The following COP1 variants were observed in gnomAD, a reference collection of about 807,000 sequenced individuals.
COP1 encodes COP1 E3 ubiquitin ligase.
In COP1, 24 loss-of-function variants were observed where a neutral mutation model predicts 101.3. The observed-to-expected ratio is 0.24, with a 90% CI of 0.17 to 0.33. The LOEUF is 0.33. Ranked by LOEUF, COP1 falls within the 10% of genes least tolerant of loss-of-function variation. The probability of loss-of-function intolerance (pLI) is 1.00; values close to 1 mark genes in which losing one functional copy is unlikely to be tolerated. For synonymous variants in COP1, 347 were observed against 341.9 expected (o/e 1.01, Z -0.17); for missense variants, 663 against 906.2 (o/e 0.73, Z 3.45).
intron 9 of COP1, among the ~76,000 whole-genome samples, chr1:176,108,972 C>T (rs915406621): frequency 3.9e-5 from 6 of 151,978 alleles, no homozygotes; most frequent in Non-Finnish European, 7.4e-5. Context: ...ATTAGCTGGG[C>T]GCGGTGGTGC....
At chr1:176,139,301 C>A (rs2481661) in intron 6 of COP1, among the ~76,000 whole-genome samples, 8,334 of 135,248 alleles carry the variant, frequency 0.062, 622 homozygotes, top group African/African-American at 0.19. Context: ...AAAAAAAAAA[C>A]AAAAAAAGAG....
chr1:175,965,963 G>A (rs910406963), intron 18 of COP1, among the ~76,000 whole-genome samples: 2 of 151,980 alleles, frequency 1.3e-5, no homozygotes, highest in Non-Finnish European at 2.9e-5. Context: ...ATAAATCTAC[G>A]CTGCATTTTG....
chr1:176,107,005 A>C (rs1490545249), intron 9 of COP1, among the ~76,000 whole-genome samples: 2 of 152,142 alleles, frequency 1.3e-5, no homozygotes, highest in Non-Finnish European at 2.9e-5. Flanking sequence ...GTGGAAGGAC[A>C]AAGAATATTG....
At chr1:176,007,772 C>T (rs1227451724) in intron 15 of COP1, among the ~76,000 whole-genome samples, 1 of 151,418 alleles carries the variant, frequency 6.6e-6, no homozygotes, top group Non-Finnish European at 1.5e-5. Flanking sequence ...ACATTTAAGT[C>T]TGCAGAGGTT....
At chr1:176,190,170 G>T (rs1245885005) in intron 1 of COP1, among the ~76,000 whole-genome samples, 1 of 151,940 alleles carries the variant, frequency 6.6e-6, no homozygotes, top group Admixed American at 6.6e-5. Context: ...TTTCAGATTC[G>T]GATCTGTCTG....
At chr1:176,126,174 T>C (rs1408825598) in intron 8 of COP1, among the ~76,000 whole-genome samples, 1 of 152,180 alleles carries the variant, frequency 6.6e-6, no homozygotes, top group Non-Finnish European at 1.5e-5. Context: ...ACAGGGATAA[T>C]TTGACTTCTT....
At chr1:176,016,199 T>C (rs1665601416) in intron 15 of COP1, among the ~76,000 whole-genome samples, 1 of 152,106 alleles carries the variant, frequency 6.6e-6, no homozygotes, top group Non-Finnish European at 1.5e-5. Flanking sequence ...GAGTCTGCTA[T>C]TTAAACACAA....
intron 6 of COP1, among the ~76,000 whole-genome samples, chr1:176,144,525 A>T (rs2149796250): frequency 6.6e-6 from 1 of 152,286 alleles, no homozygotes; most frequent in South Asian, 2.1e-4. Context: ...AGTCAAATTA[A>T]TCCCAATAAA....
intron 18 of COP1, among the ~76,000 whole-genome samples, chr1:175,981,013 T>C (rs1655714144): frequency 6.6e-6 from 1 of 152,120 alleles, no homozygotes; most frequent in Non-Finnish European, 1.5e-5. Flanking sequence ...ATAAGAGTCA[T>C]ATCACAGATC....
chr1:176,046,696 C>T (rs1479626243), intron 11 of COP1, among the ~76,000 whole-genome samples: 1 of 151,982 alleles, frequency 6.6e-6, no homozygotes, highest in Admixed American at 6.5e-5. Context: ...TTTTTCCATA[C>T]ATTCTACTTA....
intron 11 of COP1, among the ~76,000 whole-genome samples, chr1:176,065,704 A>ATTTT (rs1203707183): frequency 8.7e-6 from 1 of 114,472 alleles, no homozygotes; most frequent in African/African-American, 3.2e-5. Flanking sequence ...GGGGATAATG[A>ATTTT]TTTTTTTTTT....
intron 15 of COP1, among the ~76,000 whole-genome samples, chr1:175,995,562 GA>G (rs1421439469): frequency 6.6e-6 from 1 of 152,070 alleles, no homozygotes; most frequent in African/African-American, 2.4e-5. Flanking sequence ...TGATAAACGG[GA>G]TATCACCACC....
intron 2 of COP1, among the ~76,000 whole-genome samples, chr1:176,178,849 G>A (rs899094816): frequency 5.2e-4 from 78 of 150,174 alleles, no homozygotes; most frequent in Middle Eastern, 3.6e-3. Context: ...GCAAAACTCC[G>A]TCCCCACCCC....
intron 11 of COP1, among the ~76,000 whole-genome samples, chr1:176,067,745 G>A (rs1341701987): frequency 6.6e-6 from 1 of 152,192 alleles, no homozygotes; most frequent in East Asian, 1.9e-4. Flanking sequence ...CTGACCTTGT[G>A]ATAAGGCAGA....
chr1:176,049,627 A>G (rs1323670872), intron 11 of COP1, among the ~76,000 whole-genome samples: 1 of 152,104 alleles, frequency 6.6e-6, no homozygotes, highest in Non-Finnish European at 1.5e-5. Flanking sequence ...ACTAAGACTC[A>G]GGATTTAAGG....
At chr1:176,170,296 A>G (rs978585372) in intron 3 of COP1, among the ~76,000 whole-genome samples, 3 of 152,176 alleles carry the variant, frequency 2.0e-5, no homozygotes, top group African/African-American at 7.2e-5. Flanking sequence ...TCCTTTCCAA[A>G]AGGTTTTCCA....
intron 8 of COP1, 84 bp downstream of exon 8, chr1:176,134,926 G>A: frequency 1.0e-6 from 1 of 954,630 alleles, no homozygotes; most frequent in Non-Finnish European, 1.7e-6. Context: ...TTCATACACT[G>A]CATGGAAAAG....
Position 176,206,895 on chromosome 1 carries a change from G to T in COP1, c.84C>A (p.Ser28=). Reference sequence around the variant, plus strand: ...GCGACGGGGAAGAGGATAAAGACGAGGAGGCGGAAGTCACCGAGGAGGCCG... The same window carrying T: ...GCGACGGGGAAGAGGATAAAGACGATGAGGCGGAAGTCACCGAGGAGGCCG... ...SSAASSVTSA[S]SSLSSSPSPP... Residue 28 remains serine, a synonymous_variant, in exon 1 of 20, where the codon TCC becomes TCA. Coordinates refer to ENST00000367669, the MANE Select transcript of COP1 (RefSeq NM_022457.7). The T allele has an allele frequency of 6.8e-7, 1 of 1,465,568 alleles. No individual in the cohort carries two copies. The highest frequency in any genetic ancestry group is 9.0e-7 in the Non-Finnish European group (1 of 1,114,262). 90.8% of individuals were successfully genotyped at this position (1,465,568 alleles called of 1,614,324 possible). A position where few individuals can be genotyped will look rare whatever the true frequency, so the allele number is the denominator to read the frequency against.
At chr1:176,130,692 A>G (rs188336855) in intron 8 of COP1, among the ~76,000 whole-genome samples, 1 of 151,972 alleles carries the variant, frequency 6.6e-6, no homozygotes, top group East Asian at 1.9e-4. Flanking sequence ...TGAAAATTAA[A>G]TGACATTCTA....
Sources: allele counts gnomAD v4.1 joint callset (sites outside exome capture counted in the v4.1 genomes callset), GRCh38; gene constraint gnomAD v4.1.1; transcripts MANE v1.5; gene names NCBI Gene and HGNC (gene_info 2026-07-23, HGNC 2026-07-21).